PDE1A: variants seen among roughly 807,000 people sequenced by gnomAD.
PDE1A encodes dual specificity calcium/calmodulin-dependent 3',5'-cyclic nucleotide phosphodiesterase 1A.
A neutral mutation model predicts 61.7 loss-of-function variants in PDE1A; 35 were observed. The observed-to-expected ratio is 0.57, with a 90% CI of 0.43 to 0.75. The LOEUF (loss-of-function observed/expected upper bound fraction) is 0.75. Ranked by LOEUF, PDE1A falls within the 30% of genes least tolerant of loss-of-function variation. The probability of loss-of-function intolerance (pLI) is 0.00; values close to 1 mark genes in which losing one functional copy is unlikely to be tolerated. For missense variants in PDE1A, 597 were observed against 630.6 expected (o/e 0.95, Z 0.57); for synonymous variants, 232 against 213.2 (o/e 1.09, Z -0.77).
intron 2 of PDE1A, among the ~76,000 whole-genome samples, chr2:182,516,712 GGAAGGA>G (rs1690187482): frequency 3.2e-5 from 2 of 63,182 alleles, no homozygotes; most frequent in Non-Finnish European, 4.0e-5. Flanking sequence ...GAGGAAGGAA[GGAAGGA>G]AGGAAGGAAG....
intron 1 of PDE1A, among the ~76,000 whole-genome samples, chr2:182,411,119 C>T (rs558728735): frequency 5.6e-4 from 86 of 152,300 alleles, no homozygotes; most frequent in African/African-American, 2.0e-3. Flanking sequence ...CCCTAGAAGA[C>T]CCTTTCATGT....
chr2:182,596,262 A>G, the PDE1A span, among the ~76,000 whole-genome samples: 4 of 152,216 alleles, frequency 2.6e-5, no homozygotes, highest in African/African-American at 9.6e-5. Context: ...TTTTGCAGCA[A>G]GCAGCTGCAG....
chr2:182,423,160 A>C (rs1703387938), intron 1 of PDE1A, among the ~76,000 whole-genome samples: 1 of 152,192 alleles, frequency 6.6e-6, no homozygotes, highest in Non-Finnish European at 1.5e-5. Context: ...GCCATAAAAG[A>C]AACTTAGCCT....
chr2:182,404,286 C>T (rs1052168441), intron 1 of PDE1A, among the ~76,000 whole-genome samples: 1 of 152,110 alleles, frequency 6.6e-6, no homozygotes, highest in Non-Finnish European at 1.5e-5. Flanking sequence ...TCTTTATATT[C>T]CATAGGCCAA....
intron 1 of PDE1A, among the ~76,000 whole-genome samples, chr2:182,275,890 G>A (rs966452932): frequency 6.6e-6 from 1 of 152,026 alleles, no homozygotes; most frequent in South Asian, 2.1e-4. Flanking sequence ...ATTGGCATAT[G>A]CTCAATTTAT....
chr2:182,284,655 A>T (rs998611075), intron 1 of PDE1A, among the ~76,000 whole-genome samples: 3 of 152,226 alleles, frequency 2.0e-5, no homozygotes, highest in Admixed American at 2.0e-4. Context: ...TACCTAAGTC[A>T]ACAGAAAATA....
At chr2:182,626,772 C>CGTATATATACAT in the PDE1A span, among the ~76,000 whole-genome samples, 2 of 2,404 alleles carry the variant, frequency 8.3e-4, 1 homozygote, top group South Asian at 0.04. Flanking sequence ...CATATATATA[C>CGTATATATACAT]ATATATATAC....
chr2:182,168,202 T>C (rs968030792), exon 14 of PDE1A: 3 of 1,558,398 alleles, frequency 1.9e-6, no homozygotes, highest in Non-Finnish European at 2.6e-6. Flanking sequence ...AGTCTTTTGG[T>C]CAAATTAGAG....
At chr2:182,666,997 A>G in the PDE1A span, among the ~76,000 whole-genome samples, 1 of 152,132 alleles carries the variant, frequency 6.6e-6, no homozygotes, top group East Asian at 1.9e-4. Context: ...GAAATTTTAC[A>G]TTCTATATTT....
chr2:182,487,984 A>G (rs953813347), intron 2 of PDE1A, among the ~76,000 whole-genome samples: 1 of 152,226 alleles, frequency 6.6e-6, no homozygotes, highest in African/African-American at 2.4e-5. Context: ...AGATCTGAAT[A>G]TACCACTGTT....
chr2:182,628,572 T>C, the PDE1A span, among the ~76,000 whole-genome samples: 4 of 152,154 alleles, frequency 2.6e-5, no homozygotes, highest in Non-Finnish European at 5.9e-5. Context: ...TACATGATAT[T>C]GCATCAATGT....
chr2:182,715,643 T>C, the PDE1A span, among the ~76,000 whole-genome samples: 1 of 152,152 alleles, frequency 6.6e-6, no homozygotes, highest in Non-Finnish European at 1.5e-5. Context: ...GAGATCAAGG[T>C]AAGAGAGAAC....
downstream of PDE1A, among the ~76,000 whole-genome samples, chr2:182,163,717 T>G (rs1241603535): frequency 6.6e-6 from 1 of 152,110 alleles, no homozygotes; most frequent in African/African-American, 2.4e-5. Flanking sequence ...GGCGACATAT[T>G]TGGGTGTGTT....
intron 1 of PDE1A, among the ~76,000 whole-genome samples, chr2:182,322,753 T>C (rs1455543972): frequency 6.6e-6 from 1 of 152,202 alleles, no homozygotes; most frequent in African/African-American, 2.4e-5. Flanking sequence ...TAAAGTTTAG[T>C]AAAAGAATTT....
chr2:182,356,171 G>A (rs1574437011), intron 1 of PDE1A, among the ~76,000 whole-genome samples: 1 of 152,108 alleles, frequency 6.6e-6, no homozygotes, highest in Admixed American at 6.6e-5. Context: ...AAAGTGGTGT[G>A]CAGTGGCTCA....
intron 2 of PDE1A, among the ~76,000 whole-genome samples, chr2:182,244,371 A>ATTT (rs755813407): frequency 0.71 from 106,384 of 149,982 alleles, 38,139 homozygotes; most frequent in African/African-American, 0.82. Flanking sequence ...TTTTTTTAAA[A>ATTT]AAACTTTAAA....
At chr2:182,314,943 G>C (rs933995109) in intron 1 of PDE1A, among the ~76,000 whole-genome samples, 2 of 152,092 alleles carry the variant, frequency 1.3e-5, no homozygotes, top group Admixed American at 1.3e-4. Flanking sequence ...TTCTGAGACT[G>C]TCCCAGTTAC....
the PDE1A span, among the ~76,000 whole-genome samples, chr2:182,639,877 TTA>T: frequency 2.0e-5 from 3 of 149,074 alleles, no homozygotes; most frequent in Admixed American, 6.7e-5. Flanking sequence ...TATATATTTA[TTA>T]TATATATGCA....
chr2:182,638,278 C>A, the PDE1A span, among the ~76,000 whole-genome samples: 1 of 152,132 alleles, frequency 6.6e-6, no homozygotes, highest in Non-Finnish European at 1.5e-5. Flanking sequence ...GTGGCTCACA[C>A]CTGTAATCCC....
Sources: gnomAD v4.1 joint callset for allele counts (sites outside exome capture counted in the v4.1 genomes callset) on GRCh38, gnomAD v4.1.1 for gene constraint, MANE v1.5 for transcripts, NCBI Gene and HGNC (gene_info 2026-07-23, HGNC 2026-07-21) for gene names.